Variants in ARHGEF17 observed in about 807,000 individuals in gnomAD.
The protein encoded by ARHGEF17 is Rho guanine nucleotide exchange factor 17.
Under a neutral mutation model 174.0 loss-of-function variants are expected in ARHGEF17, and 80 were observed. The ratio of observed to expected loss-of-function variants is 0.46; its 90% confidence interval spans 0.38 to 0.55. The LOEUF is 0.55. Ranked by LOEUF, ARHGEF17 falls within the 20% of genes least tolerant of loss-of-function variation. ARHGEF17 has a pLI of 0.00. For missense variants in ARHGEF17, 2,886 were observed against 2,839.7 expected (o/e 1.02, Z -0.37); for synonymous variants, 1,311 against 1,189.1 (o/e 1.10, Z -2.11).
At chr11:73,359,723 C>T in intron 9 of ARHGEF17, 111 bp from the exon 10 acceptor site, 3 of 903,024 alleles carry the variant, frequency 3.3e-6, no homozygotes, top group Non-Finnish European at 4.8e-6. Flanking sequence ...TTCGGTTTGT[C>T]AGGTCTCTCC....
At position 73,363,727 on chromosome 11, in the gene ARHGEF17, G is replaced by C. The variant is rs1865788321; in HGVS notation, c.5247-20G>C. On this transcript the variant is annotated intron_variant, in intron 15 of 20. Transcript: ENST00000263674. ...GGTGTGCCCCAAGCATTTGTCCCAG[G>C]TGCATACCCCGATCCACAGTGTCCA... 1.9e-6 allele frequency: 3 copies of C among 1,613,562 alleles called. No individual in the cohort carries two copies. Among genetic ancestry groups the C allele is most frequent in the Non-Finnish European group, 2.5e-6 (3 of 1,179,876 alleles).
intron 1 of ARHGEF17, among the ~76,000 whole-genome samples, chr11:73,324,061 C>T (rs909315769): frequency 6.6e-6 from 1 of 152,214 alleles, no homozygotes; most frequent in Non-Finnish European, 1.5e-5. Context: ...CAGACAGAGA[C>T]CCCTGGCCAG....
Position 73,310,037 on chromosome 11 carries a change from A to G in ARHGEF17, c.1399A>G (p.Ile467Val), listed in dbSNP as rs143081749. The G allele has an allele frequency of 6.2e-7, 1 of 1,614,020 alleles. No homozygotes were observed. The highest frequency in any genetic ancestry group is 1.3e-5 in the African/African-American group (1 of 74,904). Residue 467 changes from isoleucine (I) to valine (V), a missense_variant, in exon 1 of 21, where the codon ATC (isoleucine) becomes GTC (valine). Coordinates refer to ENST00000263674, the MANE Select transcript of ARHGEF17 (RefSeq NM_014786.4). ...RQRKSLSNPD[I>V]ASETLTLLSF... ...GCGGAAGTCCCTGTCAAATCCAGATATCGCCTCAGAGACCCTGACGCTTCT... is the reference window on the plus strand; with the variant it reads ...GCGGAAGTCCCTGTCAAATCCAGATGTCGCCTCAGAGACCCTGACGCTTCT...
chr11:73,367,516 C>T, intron 20 of ARHGEF17, 68 bp from the exon 21 acceptor site: 1 of 1,385,456 alleles, frequency 7.2e-7, no homozygotes, highest in Admixed American at 1.9e-5. Context: ...TGTGGGAATT[C>T]AGGCCCCGAT....
intron 1 of ARHGEF17, among the ~76,000 whole-genome samples, chr11:73,312,294 CG>C (rs914549220): frequency 2.0e-5 from 3 of 152,180 alleles, no homozygotes; most frequent in African/African-American, 7.2e-5. Flanking sequence ...TGCCCTTCTT[CG>C]TGTGGCTTTC....
At position 73,319,643 on chromosome 11, in the gene ARHGEF17, C is replaced by T. The variant is rs371547886; in HGVS notation, c.3192+7813C>T. On this transcript the variant is annotated intron_variant, in intron 1 of 20. Transcript: ENST00000263674. Reference sequence around the variant, plus strand: ...CGGGGCAGAACCTTCGAACTCAGGCCCACTGCATTTAACTTGCTATTTCTT... The same window carrying T: ...CGGGGCAGAACCTTCGAACTCAGGCTCACTGCATTTAACTTGCTATTTCTT... 1.8e-4 allele frequency among the ~76,000 whole-genome samples: 27 copies of T among 152,350 alleles called. No individual in the cohort carries two copies. In the South Asian group the frequency reaches 5.4e-3, roughly 30 times the overall value.
chr11:73,357,987 C>T (rs1865674102), intron 9 of ARHGEF17, among the ~76,000 whole-genome samples: 1 of 152,206 alleles, frequency 6.6e-6, no homozygotes, highest in Non-Finnish European at 1.5e-5. Context: ...TTGGTGAACC[C>T]AGGCCTGCCC....
At chr11:73,313,157 C>G (rs1864869539) in intron 1 of ARHGEF17, among the ~76,000 whole-genome samples, 1 of 152,190 alleles carries the variant, frequency 6.6e-6, no homozygotes, top group Admixed American at 6.5e-5. Flanking sequence ...CTCCTTGTCT[C>G]CAGTTACCCC....
In ARHGEF17 at chr11:73,308,658, G is replaced by A. The variant is rs750700152; in HGVS notation, c.20G>A (p.Arg7Gln). The change falls in exon 1 of 21, where the codon CGG becomes CAG. Residue 7 changes from arginine to glutamine, a missense_variant. Around this residue, in one of 4 missense-constraint regions of ARHGEF17, gnomAD observed 1,728 missense variants for 1,461.2 expected, o/e 1.18. Coordinates refer to ENST00000263674, the MANE Select transcript of ARHGEF17 (RefSeq NM_014786.4). The part of the protein sequence containing the change: MADGAP[R>Q]PQLYRSVSFK... ...GCCACTATGGCGGACGGGGCACCCC[G>A]GCCCCAGCTTTACCGCAGCGTCTCG... 1.9e-5 allele frequency: 29 copies of A among 1,508,202 alleles called. No homozygotes were observed. The highest frequency in any genetic ancestry group is 2.5e-5 in the Non-Finnish European group (28 of 1,132,186). 93.4% of individuals were successfully genotyped at this position (1,508,202 alleles called of 1,614,324 possible). A position where few individuals can be genotyped will look rare whatever the true frequency, so the allele number is the denominator to read the frequency against.
chr11:73,331,972 A>G (rs912885732), intron 1 of ARHGEF17, among the ~76,000 whole-genome samples: 31 of 152,218 alleles, frequency 2.0e-4, no homozygotes, highest in African/African-American at 6.7e-4. Context: ...CCATAGTGAA[A>G]GGAGCTACCA....
intron 1 of ARHGEF17, among the ~76,000 whole-genome samples, chr11:73,331,379 T>C (rs1865200645): frequency 6.6e-6 from 1 of 152,132 alleles, no homozygotes; most frequent in South Asian, 2.1e-4. Flanking sequence ...ACCCCTGCCC[T>C]GCATTGCTCT....
In ARHGEF17 at chr11:73,310,751, G is replaced by GA; in HGVS notation, c.2113_2114insA (p.Ala705AspfsTer32). 6.2e-7 allele frequency: 1 copy of GA among 1,611,430 alleles called. No individual in the cohort carries two copies. Among genetic ancestry groups the GA allele is most frequent in the South Asian group, 1.1e-5 (1 of 91,038 alleles). ...GCCTGAGACCCCTCCCACACCAGGT[G>GA]CCCTCCGCCGACGACGCAAAGTCCC... On this transcript the variant is annotated frameshift_variant, in exon 1 of 21. Transcript: ENST00000263674. LOFTEE classifies it high-confidence loss of function.
Position 73,364,608 on chromosome 11 carries a change from G to A in ARHGEF17, c.5550+8G>A. 6.2e-7 allele frequency: 1 copy of A among 1,602,638 alleles called. No individual in the cohort carries two copies. The highest frequency in any genetic ancestry group is 2.2e-5 in the East Asian group (1 of 44,796). On this transcript the variant is annotated splice_region_variant and intron_variant, in intron 18 of 20. Coordinates refer to ENST00000263674, the MANE Select transcript of ARHGEF17 (RefSeq NM_014786.4). Reference sequence around the variant, plus strand: ...GACACGCTGCAGCTGGAGGTAGCAGGGGGTGGGGGAATGGAATTGGTGCCA... The same window carrying A: ...GACACGCTGCAGCTGGAGGTAGCAGAGGGTGGGGGAATGGAATTGGTGCCA...
chr11:73,358,102 G>A (rs1402539861), intron 9 of ARHGEF17, among the ~76,000 whole-genome samples: 1 of 152,242 alleles, frequency 6.6e-6, no homozygotes, highest in Non-Finnish European at 1.5e-5. Context: ...CTGTGAGCAA[G>A]AATGGGGCAG....
chr11:73,309,033 T>C lies in ARHGEF17; in HGVS notation c.395T>C (p.Leu132Pro), dbSNP rs2135782669. 2.1e-6 allele frequency: 3 copies of C among 1,424,504 alleles called. No individual in the cohort carries two copies. Among genetic ancestry groups the C allele is most frequent in the South Asian group, 1.4e-5 (1 of 70,234 alleles). The allele number at this position is 1,424,504 out of a possible 1,614,324, so 88.2% of individuals were successfully genotyped here. The change falls in exon 1 of 21, where the codon CTC (leucine) becomes CCC (proline). Residue 132 changes from leucine to proline, a missense_variant. Leu to Pro is a moderately conservative substitution (Grantham distance 98). Around this residue, in one of 4 missense-constraint regions of ARHGEF17, gnomAD observed 1,728 missense variants for 1,461.2 expected, o/e 1.18. Coordinates refer to ENST00000263674, the MANE Select transcript of ARHGEF17 (RefSeq NM_014786.4). ...CCCAGCGTCACCGAGATGCGCAAGC[T>C]CTTCGGCGGTCCTGGCTCCAGGAGG... ...AWPSVTEMRKLFGGPGSRRPS... is the reference protein window; with the variant it reads ...AWPSVTEMRKPFGGPGSRRPS...
At chr11:73,344,361 C>T (rs1591746203) in intron 1 of ARHGEF17, among the ~76,000 whole-genome samples, 1 of 152,370 alleles carries the variant, frequency 6.6e-6, no homozygotes, top group East Asian at 1.9e-4. Context: ...AGCTGAGTGA[C>T]AGGCCGCTGT....
In ARHGEF17 at chr11:73,325,086, T is replaced by C. The variant is rs561900626; in HGVS notation, c.3192+13256T>C. 3.3e-5 allele frequency among the ~76,000 whole-genome samples: 5 copies of C among 152,222 alleles called. No homozygotes were observed. In the South Asian group the frequency reaches 1.0e-3, roughly 32 times the overall value. Reference sequence around the variant, plus strand: ...GAGACAGGCAGGCCAGGCAGTGCAGTGCAGTCCCGTTTGCAGTATCTGGAA... The same window carrying C: ...GAGACAGGCAGGCCAGGCAGTGCAGCGCAGTCCCGTTTGCAGTATCTGGAA... On this transcript the variant is annotated intron_variant, in intron 1 of 20. Coordinates refer to ENST00000263674, the MANE Select transcript of ARHGEF17 (RefSeq NM_014786.4).
At position 73,310,766 on chromosome 11, in the gene ARHGEF17, C is replaced by A. The variant is rs143536153; in HGVS notation, c.2128C>A (p.Arg710Ser). Residue 710 changes from arginine (R) to serine (S), a missense_variant, in exon 1 of 21, where the codon CGC becomes AGC. Transcript: ENST00000263674. ...PPTPGALRRR[R>S]KVPPSGSGGS... ...CACACCAGGTGCCCTCCGCCGACGACGCAAAGTCCCACCTTCAGGTTCTGG... is the reference window on the plus strand; with the variant it reads ...CACACCAGGTGCCCTCCGCCGACGAAGCAAAGTCCCACCTTCAGGTTCTGG... 2.9e-5 allele frequency: 46 copies of A among 1,611,502 alleles called. No individual in the cohort carries two copies. In the East Asian group the frequency reaches 1.0e-3, roughly 35 times the overall value.
chr11:73,326,646 G>C (rs1211289166), intron 1 of ARHGEF17, among the ~76,000 whole-genome samples: 1 of 152,094 alleles, frequency 6.6e-6, no homozygotes, highest in Non-Finnish European at 1.5e-5. Context: ...CTTGAACCCA[G>C]GAGGTAGAGG....
Sources: gnomAD v4.1 joint callset for allele counts (sites outside exome capture counted in the v4.1 genomes callset) on GRCh38, gnomAD v4.1.1 for gene constraint, gnomAD v4.1.1 regional missense constraint, MANE v1.5 for transcripts, NCBI Gene and HGNC (gene_info 2026-07-23, HGNC 2026-07-21) for gene names.